Variants in PLCXD3 observed in about 807,000 individuals in gnomAD.
PLCXD3 encodes the protein phosphatidylinositol specific phospholipase C X domain containing 3, also known as PI-PLC X domain-containing protein 3.
Under a neutral mutation model 25.5 loss-of-function variants are expected in PLCXD3, and 19 were observed. The ratio of observed to expected loss-of-function variants is 0.75; its 90% confidence interval spans 0.52 to 1.09. The LOEUF (loss-of-function observed/expected upper bound fraction) is 1.09. PLCXD3 is among the 50% of genes least tolerant of loss of function. The pLI, the probability that PLCXD3 is intolerant of heterozygous loss-of-function variation, is 0.00. For missense variants in PLCXD3, 411 were observed against 388.1 expected (o/e 1.06, Z -0.50); for synonymous variants, 174 against 137.6 (o/e 1.26, Z -1.85).
Position 41,475,371 on chromosome 5 carries a change from G to A in PLCXD3, c.103+35053C>T, listed in dbSNP as rs676451. 8.1e-3 allele frequency among the ~76,000 whole-genome samples: 1,231 copies of A among 152,164 alleles called. 15 individuals are homozygous for A. The highest frequency in any genetic ancestry group is 0.028 in the African/African-American group (1,173 of 41,486). On this transcript the variant is annotated intron_variant, in intron 1 of 2. Coordinates refer to ENST00000377801, the MANE Select transcript of PLCXD3 (RefSeq NM_001005473.3). ...TATAGGACCCTATCTGTCCCTGTCT[G>A]TCCCTGCAAGTTTCTGCTGGCTTCT...
At chr5:41,331,402 T>G (rs1743800456) in intron 2 of PLCXD3, among the ~76,000 whole-genome samples, 1 of 152,158 alleles carries the variant, frequency 6.6e-6, no homozygotes, top group Admixed American at 6.5e-5. Context: ...GAAGGACCTC[T>G]TCAAGGAGAA....
chr5:41,404,175 T>A (rs528059864), intron 1 of PLCXD3, among the ~76,000 whole-genome samples: 1 of 152,120 alleles, frequency 6.6e-6, no homozygotes, highest in African/African-American at 2.4e-5. Flanking sequence ...TTACAGTCAG[T>A]CAGTAACTCA....
intron 1 of PLCXD3, among the ~76,000 whole-genome samples, chr5:41,471,590 A>G (rs972806765): frequency 1.3e-5 from 2 of 152,174 alleles, no homozygotes; most frequent in Non-Finnish European, 2.9e-5. Flanking sequence ...GACTACTCCA[A>G]TTAGAAGGAA....
chr5:41,464,344 C>T (rs1256031407), intron 1 of PLCXD3, among the ~76,000 whole-genome samples: 1 of 152,040 alleles, frequency 6.6e-6, no homozygotes, highest in African/African-American at 2.4e-5. Context: ...TTTGACTGTG[C>T]ACCGCTATCG....
intron 1 of PLCXD3, among the ~76,000 whole-genome samples, chr5:41,440,448 G>C (rs1451313435): frequency 6.6e-6 from 1 of 151,696 alleles, no homozygotes; most frequent in Non-Finnish European, 1.5e-5. Context: ...GGCCAGGCTG[G>C]TCTTGAACTC....
chr5:41,390,756 A>G (rs934046885), intron 1 of PLCXD3, among the ~76,000 whole-genome samples: 2 of 152,208 alleles, frequency 1.3e-5, no homozygotes, highest in African/African-American at 4.8e-5. Context: ...AGGAACAAAA[A>G]TCAGATGACC....
At chr5:41,477,507 C>A (rs1748306557) in intron 1 of PLCXD3, among the ~76,000 whole-genome samples, 1 of 151,992 alleles carries the variant, frequency 6.6e-6, no homozygotes, top group Non-Finnish European at 1.5e-5. Context: ...TGCCTGGGTT[C>A]CATTTAAAGA....
intron 1 of PLCXD3, among the ~76,000 whole-genome samples, chr5:41,390,121 C>T (rs1745764974): frequency 6.6e-6 from 1 of 152,146 alleles, no homozygotes; most frequent in South Asian, 2.1e-4. Context: ...TTTCTTCAGT[C>T]TGGCTTCTTT....
intron 1 of PLCXD3, among the ~76,000 whole-genome samples, chr5:41,472,361 G>A (rs1055173054): frequency 3.9e-5 from 6 of 152,108 alleles, no homozygotes; most frequent in African/African-American, 1.4e-4. Flanking sequence ...TAAGAATTGG[G>A]AAAAACATCT....
intron 1 of PLCXD3, among the ~76,000 whole-genome samples, chr5:41,450,039 C>T (rs1457274539): frequency 6.6e-6 from 1 of 151,730 alleles, no homozygotes. Context: ...ACAGTAAATA[C>T]ATCTACACAC....
chr5:41,459,898 T>C (rs572470825), intron 1 of PLCXD3, among the ~76,000 whole-genome samples: 7 of 151,982 alleles, frequency 4.6e-5, no homozygotes, highest in East Asian at 1.9e-4. Context: ...GTGCTTGTCA[T>C]TGGGCTAAGG....
chr5:41,337,299 G>T (rs1428259322), intron 2 of PLCXD3, among the ~76,000 whole-genome samples: 1 of 152,044 alleles, frequency 6.6e-6, no homozygotes, highest in Admixed American at 6.6e-5. Flanking sequence ...ATGAAGCTAT[G>T]AATAATATAT....
At chr5:41,450,026 A>G (rs893971945) in intron 1 of PLCXD3, among the ~76,000 whole-genome samples, 8 of 152,044 alleles carry the variant, frequency 5.3e-5, no homozygotes, top group Non-Finnish European at 1.2e-4. Context: ...AGAGAACAGC[A>G]ATACAGTAAA....
chr5:41,472,500 G>C (rs1438692721), intron 1 of PLCXD3, among the ~76,000 whole-genome samples: 1 of 152,196 alleles, frequency 6.6e-6, no homozygotes. Flanking sequence ...GATAGCATTG[G>C]AAATGGCTAT....
At chr5:41,492,253 A>G (rs546534654) in intron 1 of PLCXD3, among the ~76,000 whole-genome samples, 1 of 152,310 alleles carries the variant, frequency 6.6e-6, no homozygotes, top group East Asian at 1.9e-4. Context: ...AAGAATGTTG[A>G]ATATTGGCCC....
At chr5:41,435,724 T>C (rs1747232045) in intron 1 of PLCXD3, among the ~76,000 whole-genome samples, 1 of 152,204 alleles carries the variant, frequency 6.6e-6, no homozygotes, top group South Asian at 2.1e-4. Flanking sequence ...GTAAAAATAA[T>C]GGTTCTGTTG....
intron 1 of PLCXD3, chr5:41,456,613 A>G: frequency 4.0e-6 from 3 of 756,624 alleles, no homozygotes; most frequent in Non-Finnish European, 4.8e-6. Flanking sequence ...ATATGTTGAA[A>G]TCTGTTCCCT....
chr5:41,350,457 T>G (rs1744427072), intron 2 of PLCXD3, among the ~76,000 whole-genome samples: 1 of 152,180 alleles, frequency 6.6e-6, no homozygotes, highest in African/African-American at 2.4e-5. Context: ...TTAGGTTCTA[T>G]TCCCATAGGA....
intron 2 of PLCXD3, among the ~76,000 whole-genome samples, chr5:41,322,339 T>C (rs1001350519): frequency 6.6e-6 from 1 of 152,178 alleles, no homozygotes; most frequent in Admixed American, 6.5e-5. Context: ...CTCAACATCA[T>C]TGATTATCAG....
Sources: allele counts gnomAD v4.1 joint callset (sites outside exome capture counted in the v4.1 genomes callset), GRCh38; gene constraint gnomAD v4.1.1; transcripts MANE v1.5; gene names NCBI Gene and HGNC (gene_info 2026-07-23, HGNC 2026-07-21).